TMEM98: variants seen among roughly 807,000 people sequenced by gnomAD.
TMEM98 encodes the protein transmembrane protein 98.
In TMEM98, 18 loss-of-function variants were observed where a neutral mutation model predicts 25.0. That is an observed-to-expected ratio of 0.72 (90% confidence interval 0.50 to 1.07). TMEM98 has a LOEUF of 1.07. Ranked by LOEUF, TMEM98 falls within the 50% of genes least tolerant of loss-of-function variation. TMEM98 has a pLI of 0.00. For synonymous variants in TMEM98, 103 were observed against 112.4 expected, an observed-to-expected ratio of 0.92 and a Z score of 0.53; for missense variants, 241 against 289.0, an observed-to-expected ratio of 0.83 and a Z score of 1.20.
intron 5 of TMEM98, 96 bp downstream of exon 5, chr17:32,934,420 C>G (rs2091485292): frequency 1.4e-6 from 2 of 1,416,980 alleles, no homozygotes; most frequent in Non-Finnish European, 2.0e-6. Flanking sequence ...GGGCACTGAC[C>G]TCTCGCAAGA....
chr17:32,942,909 G>C lies in TMEM98; in HGVS notation c.*1916G>C, dbSNP rs925422483. 3 of 152,176 alleles carry C rather than the reference G, an allele frequency of 2.0e-5. No homozygotes were observed. The highest frequency in any genetic ancestry group is 4.8e-5 in the African/African-American group (2 of 41,422). 9.4% of individuals were successfully genotyped at this position (152,176 alleles called of 1,614,324 possible). ...CTGGAAAGCAATTCATGCTAAGTTT[G>C]CAATGGCTGCCACAGTTGTAAGTGT... On this transcript the variant is annotated 3_prime_UTR_variant, in exon 8 of 8. Coordinates refer to ENST00000579849, the MANE Select transcript of TMEM98 (RefSeq NM_015544.3).
At chr17:32,937,229 G>A (rs1033865384) in intron 6 of TMEM98, among the ~76,000 whole-genome samples, 19 of 152,148 alleles carry the variant, frequency 1.2e-4, no homozygotes, top group Admixed American at 1.1e-3. Flanking sequence ...TGAAACAATG[G>A]CACTGCTGTG....
chr17:32,933,339 C>T lies in TMEM98; in HGVS notation c.263+34C>T, dbSNP rs763528008. ...ATGGGAACTGTTTGCTTCCGGGCTT[C>T]TGGCAAATGATGCCCTTTGCTGGTG... On this transcript the variant is annotated intron_variant, in intron 4 of 7. Coordinates refer to ENST00000579849, the MANE Select transcript of TMEM98 (RefSeq NM_015544.3). The T allele has an allele frequency of 5.0e-6, 8 of 1,613,260 alleles. No homozygotes were observed. In the Admixed American group the frequency reaches 1.2e-4, roughly 24 times the overall value.
chr17:32,936,237 T>C (rs1214093435), intron 5 of TMEM98, 95 bp from the exon 6 acceptor site: 1 of 959,510 alleles, frequency 1.0e-6, no homozygotes, highest in South Asian at 1.5e-5. Flanking sequence ...CCAGCTGCGA[T>C]GGAACTCACG....
intron 7 of TMEM98, 98 bp downstream of exon 7, chr17:32,939,634 G>C: frequency 6.6e-7 from 1 of 1,514,194 alleles, no homozygotes; most frequent in Non-Finnish European, 9.1e-7. Flanking sequence ...GTGTAGGGAG[G>C]GTGGCTTTGC....
intron 6 of TMEM98, 134 bp from the exon 7 acceptor site, chr17:32,939,343 G>A: frequency 1.2e-6 from 1 of 809,072 alleles, no homozygotes; most frequent in Non-Finnish European, 2.0e-6. Context: ...GGAGGTGGAT[G>A]TTGCAGTGAG....
rs199662708 is a variant in TMEM98 at position 32,934,241 on chromosome 17, G to A, written c.264-50G>A. 152 of 1,610,758 alleles carry A rather than the reference G, an allele frequency of 9.4e-5. 1 individual carries two copies. The East Asian group carries it at 3.4e-3, about 36-fold the overall frequency. On this transcript the variant is annotated intron_variant, in intron 4 of 7. Coordinates refer to ENST00000579849, the MANE Select transcript of TMEM98 (RefSeq NM_015544.3). ...GAGAAGCAAGGGTGGGAGCTGGAGG[G>A]TGGTGGGCCCCTCCAGATGAGCACT...
intron 2 of TMEM98, 21 bp downstream of exon 2, chr17:32,931,423 T>A: frequency 6.8e-7 from 1 of 1,474,576 alleles, no homozygotes; most frequent in South Asian, 1.4e-5. Context: ...CCTGTCCCAC[T>A]CTCTTTCGTG....
chr17:32,940,548 G>C (rs2091523536), intron 7 of TMEM98, among the ~76,000 whole-genome samples: 1 of 152,114 alleles, frequency 6.6e-6, no homozygotes, highest in Non-Finnish European at 1.5e-5. Context: ...TATTCTCCTT[G>C]GAGCTTTACC....
At chr17:32,932,722 G>C (rs998047660) in intron 3 of TMEM98, among the ~76,000 whole-genome samples, 1 of 152,162 alleles carries the variant, frequency 6.6e-6, no homozygotes, top group African/African-American at 2.4e-5. Context: ...GGGATATAGG[G>C]ATGGACCAAA....
chr17:32,935,887 T>C (rs1287072471), intron 5 of TMEM98, among the ~76,000 whole-genome samples: 1 of 152,182 alleles, frequency 6.6e-6, no homozygotes, highest in African/African-American at 2.4e-5. Context: ...AAATAAGTGC[T>C]GTTATTGGAG....
rs2091532056 is a variant in TMEM98 at position 32,941,705 on chromosome 17, A to C, written c.*712A>C. 5 of 152,162 alleles carry C rather than the reference A, an allele frequency of 3.3e-5. No individual in the cohort carries two copies. Among genetic ancestry groups the C allele is most frequent in the Admixed American group, 3.3e-4 (5 of 15,272 alleles). The allele number at this position is 152,162 out of a possible 1,614,324, so 9.4% of individuals were successfully genotyped here. Reference sequence around the variant, plus strand: ...ATGGTGTATTGTGGGACATACTTAGATGGAAGGAGAGAGCCTAAGAATCCT... The same window carrying C: ...ATGGTGTATTGTGGGACATACTTAGCTGGAAGGAGAGAGCCTAAGAATCCT... On this transcript the variant is annotated 3_prime_UTR_variant, in exon 8 of 8. Coordinates refer to ENST00000579849, the MANE Select transcript of TMEM98 (RefSeq NM_015544.3).
rs2091527425 is a variant in TMEM98, at chr17:32,940,965, G to T, written c.653G>T (p.Gly218Val). The change falls in exon 8 of 8, where the codon GGC (glycine) becomes GTC (valine). Residue 218 changes from glycine to valine, a missense_variant. Coordinates refer to ENST00000579849, the MANE Select transcript of TMEM98 (RefSeq NM_015544.3). ...EPDKGLPGPEGFLQEQSAI is the reference protein window; with the variant it reads ...EPDKGLPGPEVFLQEQSAI ...GATAAAGGCCTCCCAGGCCCTGAAGGCTTCCTGCAGGAGCAGTCTGCAATT... is the reference window on the plus strand; with the variant it reads ...GATAAAGGCCTCCCAGGCCCTGAAGTCTTCCTGCAGGAGCAGTCTGCAATT... 6.8e-6 allele frequency: 11 copies of T among 1,611,856 alleles called. No homozygotes were observed. The highest frequency in any genetic ancestry group is 1.3e-5 in the African/African-American group (1 of 74,870).
At chr17:32,932,566 A>G (rs990141102) in intron 3 of TMEM98, among the ~76,000 whole-genome samples, 6 of 152,236 alleles carry the variant, frequency 3.9e-5, no homozygotes, top group Non-Finnish European at 8.8e-5. Flanking sequence ...CAAGTGGTTC[A>G]TAATTTATAA....
intron 1 of TMEM98, among the ~76,000 whole-genome samples, chr17:32,929,897 G>A (rs751411031): frequency 1.3e-4 from 20 of 152,068 alleles, no homozygotes; most frequent in Admixed American, 2.6e-4. Flanking sequence ...GGAAGCACAG[G>A]CACATGGAGT....
At chr17:32,934,414 A>G (rs1272700822) in intron 5 of TMEM98, 90 bp downstream of exon 5, 1 of 1,468,830 alleles carries the variant, frequency 6.8e-7, no homozygotes, top group East Asian at 2.3e-5. Context: ...TAGAAAGGGC[A>G]CTGACCTCTC....
At chr17:32,935,147 C>A (rs559223177) in intron 5 of TMEM98, among the ~76,000 whole-genome samples, 1 of 152,238 alleles carries the variant, frequency 6.6e-6, no homozygotes, top group East Asian at 1.9e-4. Context: ...ATAAAACATT[C>A]TTTACCCCAC....
chr17:32,933,135 C>A (rs189023241), intron 3 of TMEM98, 39 bp from the exon 4 acceptor site: 30 of 1,611,214 alleles, frequency 1.9e-5, no homozygotes, highest in Admixed American at 8.4e-5. Flanking sequence ...GCAGCGGTCA[C>A]CCACCATGAA....
rs1598198984 is a variant in TMEM98 at position 32,931,328 on chromosome 17, C to T, written c.-129C>T. ...AAATTTTACCTTGGTTCTCTTCAGG[C>T]CCTCAGGTCTCTGCAGGTGTCGTGG... is the stretch of plus-strand genomic sequence containing the variant. On this transcript the variant is annotated splice_region_variant and 5_prime_UTR_variant, in exon 2 of 8. Transcript: ENST00000579849. The T allele has an allele frequency of 1.8e-6, 1 of 559,960 alleles. No individual in the cohort carries two copies. The highest frequency in any genetic ancestry group is 3.3e-5 in the East Asian group (1 of 30,594). 34.7% of individuals were successfully genotyped at this position (559,960 alleles called of 1,614,324 possible).
Sources: allele counts gnomAD v4.1 joint callset (sites outside exome capture counted in the v4.1 genomes callset), GRCh38; gene constraint gnomAD v4.1.1; transcripts MANE v1.5; gene names NCBI Gene and HGNC (gene_info 2026-07-23, HGNC 2026-07-21).